Variants in DNAH17 observed in about 807,000 individuals in gnomAD.
The protein encoded by DNAH17 is dynein axonemal heavy chain 17.
In DNAH17, 376 loss-of-function variants were observed where a neutral mutation model predicts 485.6. That is an observed-to-expected ratio of 0.77 (90% CI 0.71 to 0.84). DNAH17 has a LOEUF of 0.84. Among genes scored for constraint, DNAH17 ranks in the 40% least tolerant of loss-of-function variants. The pLI, the probability that DNAH17 is intolerant of heterozygous loss-of-function variation, is 0.00. For missense variants in DNAH17, 6,370 were observed against 5,839.3 expected (o/e 1.09, Z -2.96); for synonymous variants, 3,031 against 2,405.9 (o/e 1.26, Z -7.60).
chr17:78,475,292 T>C lies in DNAH17; in HGVS notation c.8497A>G (p.Ile2833Val). ...FQITLKKGYG[I>V]PDLKIDLAAQ... The stretch of plus-strand genomic sequence containing the variant: ...TAAGCTCTCACCTTGAGGTCGGGGA[T>C]CCCGTAGCCCTTCTTGAGGGTGATC... Residue 2833 changes from isoleucine (I) to valine (V), a missense_variant, in exon 54 of 81, where the codon ATC (isoleucine) becomes GTC (valine). Ile to Val is a conservative substitution (Grantham distance 29). Transcript: ENST00000389840. The C allele has an allele frequency of 6.2e-7, 1 of 1,613,988 alleles. No homozygotes were observed. Among genetic ancestry groups the C allele is most frequent in the Non-Finnish European group, 8.5e-7 (1 of 1,179,874 alleles).
At chr17:78,475,948 C>T (rs2088996812) in intron 52 of DNAH17, 115 bp from the exon 53 acceptor site, 12 of 1,203,812 alleles carry the variant, frequency 1.0e-5, no homozygotes, top group Non-Finnish European at 1.1e-6. Flanking sequence ...CACGGGGTCC[C>T]AGGCCAAGTC....
chr17:78,454,742 G>A lies in DNAH17; in HGVS notation c.10171-37C>T, dbSNP rs768497892. 8.4e-6 allele frequency: 13 copies of A among 1,546,998 alleles called. No individual in the cohort carries two copies. The East Asian group carries it at 1.1e-4, about 13-fold the overall frequency. ...GGCACACTTTCTTAGAGGGGGTAATGCGACCTTATTACTTACTAGAAAATA... is the reference window on the plus strand; with the variant it reads ...GGCACACTTTCTTAGAGGGGGTAATACGACCTTATTACTTACTAGAAAATA... On this transcript the variant is annotated intron_variant, in intron 63 of 80. Coordinates refer to ENST00000389840, the MANE Select transcript of DNAH17 (RefSeq NM_173628.4).
intron 49 of DNAH17, among the ~76,000 whole-genome samples, chr17:78,480,433 T>C (rs573610060): frequency 6.6e-6 from 1 of 152,344 alleles, no homozygotes; most frequent in Non-Finnish European, 1.5e-5. Flanking sequence ...TATTTATTTA[T>C]CTGGAGTTTG....
chr17:78,531,903 G>A (rs1222493216), intron 20 of DNAH17, among the ~76,000 whole-genome samples: 1 of 152,174 alleles, frequency 6.6e-6, no homozygotes, highest in Non-Finnish European at 1.5e-5. Flanking sequence ...TGACATCTGG[G>A]GCCTTGCCCA....
At chr17:78,484,743 C>CCCCGG in intron 48 of DNAH17, 125 bp downstream of exon 48, 3 of 295,608 alleles carry the variant, frequency 1.0e-5, no homozygotes, top group African/African-American at 5.7e-5. Flanking sequence ...TGCAGCACCC[C>CCCCGG]CCCCACCGCC....
intron 24 of DNAH17, 25 bp downstream of exon 24, chr17:78,526,625 CT>C (rs765489602): frequency 2.9e-5 from 46 of 1,564,830 alleles, no homozygotes; most frequent in East Asian, 6.8e-5. Flanking sequence ...GACTTACCCC[CT>C]GATCTCACCC....
intron 48 of DNAH17, among the ~76,000 whole-genome samples, chr17:78,483,535 C>T (rs954293598): frequency 6.6e-6 from 1 of 151,498 alleles, no homozygotes; most frequent in African/African-American, 2.4e-5. Context: ...GAGACTGAGG[C>T]AGGAGAATCG....
At chr17:78,551,740 A>C (rs2091906694) in intron 15 of DNAH17, 102 bp from the exon 16 acceptor site, 1 of 1,103,566 alleles carries the variant, frequency 9.1e-7, no homozygotes, top group African/African-American at 1.5e-5. Context: ...AGGGCAGGCG[A>C]ATCACGAGGT....
At chr17:78,539,960 G>A (rs1451372899) in intron 17 of DNAH17, 80 bp from the exon 18 acceptor site, 1 of 1,385,030 alleles carries the variant, frequency 7.2e-7, no homozygotes, top group Non-Finnish European at 9.5e-7. Context: ...TGCCTCTCTG[G>A]ACCGCCCGTC....
At chr17:78,499,565 T>C (rs1316567125) in intron 36 of DNAH17, 2 of 152,614 alleles carry the variant, frequency 1.3e-5, no homozygotes, top group Non-Finnish European at 2.9e-5. Flanking sequence ...ACTCGTCCCA[T>C]CTACACCTGG....
rs777630121 is a variant in DNAH17 at position 78,468,724 on chromosome 17, C to T, written c.8671G>A (p.Glu2891Lys). 1 of 1,614,022 alleles carries T rather than the reference C, an allele frequency of 6.2e-7. No homozygotes were observed. Among genetic ancestry groups the T allele is most frequent in the Admixed American group, 1.7e-5 (1 of 60,016 alleles). ...GGTCGCATGGAGGAGATGATGTTCT[C>T]CACCTCGTCCTCCATAAACAGCCCA... ...IPGLFMEDEV[E>K]NIISSMRPQV... Residue 2891 changes from glutamate (E) to lysine (K), a missense_variant, in exon 55 of 81, where the codon GAG becomes AAG. Coordinates refer to ENST00000389840, the MANE Select transcript of DNAH17 (RefSeq NM_173628.4).
chr17:78,501,920 C>T lies in DNAH17; in HGVS notation c.5191-47G>A, dbSNP rs762294358. ...ATGAGACACCACGGGTGCCCACATG[C>T]ACTGGGGGGTCTTGTGGCTGGGTGC... On this transcript the variant is annotated intron_variant, in intron 33 of 80. Transcript: ENST00000389840. 9.3e-6 allele frequency: 15 copies of T among 1,608,394 alleles called. No homozygotes were observed. The South Asian group carries it at 9.9e-5, about 11-fold the overall frequency.
intron 16 of DNAH17, among the ~76,000 whole-genome samples, chr17:78,550,345 C>T (rs1169015001): frequency 6.6e-6 from 1 of 152,290 alleles, no homozygotes; most frequent in African/African-American, 2.4e-5. Flanking sequence ...TGCCAGCCTG[C>T]CCAGCACTGA....
rs1241670197 is a variant in DNAH17, at chr17:78,441,055, G to A, written c.11673C>T (p.Ala3891=). ...PGVDPLKDVE[A]LGKKLGFTID... is the part of the protein sequence containing the mutation. ...TCACTTGCCTGCTACACTTACCCAG[G>A]GCTTCCACGTCTTTCAAGGGGTCAA... The change falls in exon 72 of 81, where the codon GCC becomes GCT. Residue 3891 remains alanine, a synonymous_variant. Transcript: ENST00000389840. 1 of 1,585,360 alleles carries A rather than the reference G, an allele frequency of 6.3e-7. No individual in the cohort carries two copies. The highest frequency in any genetic ancestry group is 1.8e-5 in the Admixed American group (1 of 54,866).
intron 6 of DNAH17, 81 bp from the exon 7 acceptor site, chr17:78,570,453 T>A (rs2092335655): frequency 6.7e-7 from 1 of 1,492,944 alleles, no homozygotes; most frequent in African/African-American, 1.4e-5. Flanking sequence ...TCCCTTCCCA[T>A]GGCTCTCACT....
At chr17:78,469,743 A>G (rs1469176982) in intron 54 of DNAH17, among the ~76,000 whole-genome samples, 1 of 152,238 alleles carries the variant, frequency 6.6e-6, no homozygotes, top group African/African-American at 2.4e-5. Context: ...TTGGTCTTAA[A>G]AAGGGGAGGA....
At chr17:78,565,466 A>G (rs1393654459) in intron 11 of DNAH17, among the ~76,000 whole-genome samples, 1 of 152,192 alleles carries the variant, frequency 6.6e-6, no homozygotes, top group Admixed American at 6.5e-5. Context: ...TCGGGGAGAG[A>G]TCTTTGTCCT....
At position 78,486,054 on chromosome 17, in the gene DNAH17, A is replaced by C; in HGVS notation, c.7181T>G (p.Ile2394Ser). Reference protein sequence around the residue: ...KTIKFPSQGTIFDYYIDPDTK... With the variant: ...KTIKFPSQGTSFDYYIDPDTK... Reference sequence around the variant, plus strand: ...GTCAGGATCAATGTAGTAGTCAAAAATCGTTCCCTGCGAGGGGAACTTGAT... The same window carrying C: ...GTCAGGATCAATGTAGTAGTCAAAACTCGTTCCCTGCGAGGGGAACTTGAT... The change falls in exon 46 of 81, where the codon ATT (isoleucine) becomes AGT (serine). Residue 2394 changes from isoleucine (I) to serine (S), a missense_variant. By Grantham distance (142) the Ile-to-Ser change is moderately radical. Transcript: ENST00000389840. The C allele has an allele frequency of 3.7e-6, 6 of 1,613,970 alleles. No homozygotes were observed. Among genetic ancestry groups the C allele is most frequent in the Non-Finnish European group, 5.1e-6 (6 of 1,179,894 alleles).
intron 48 of DNAH17, among the ~76,000 whole-genome samples, chr17:78,484,525 C>T (rs893586792): frequency 7.2e-5 from 11 of 151,994 alleles, no homozygotes; most frequent in African/African-American, 2.7e-4. Flanking sequence ...TAATGTGCTT[C>T]TTCCTCTCCC....
Sources: allele counts gnomAD v4.1 joint callset (sites outside exome capture counted in the v4.1 genomes callset), GRCh38; gene constraint gnomAD v4.1.1; transcripts MANE v1.5; gene names NCBI Gene and HGNC (gene_info 2026-07-23, HGNC 2026-07-21).